The following STK38 variants were observed in gnomAD, a reference collection of about 807,000 sequenced individuals.
The protein encoded by STK38 is serine/threonine-protein kinase 38.
In STK38, 26 loss-of-function variants were observed where a neutral mutation model predicts 59.0. The observed-to-expected ratio is 0.44, with a 90% confidence interval of 0.32 to 0.61. The LOEUF (loss-of-function observed/expected upper bound fraction) is 0.61. Ranked by LOEUF, STK38 falls within the 20% of genes least tolerant of loss-of-function variation. The pLI, the probability that STK38 is intolerant of heterozygous loss-of-function variation, is 0.04. For missense variants in STK38, 433 were observed against 566.0 expected, an observed-to-expected ratio of 0.76 and a Z score of 2.38; for synonymous variants, 175 against 176.6, an observed-to-expected ratio of 0.99 and a Z score of 0.07.
chr6:36,512,051 TCCA>T (rs1203443030), intron 7 of STK38, among the ~76,000 whole-genome samples: 2 of 152,056 alleles, frequency 1.3e-5, no homozygotes, highest in East Asian at 3.9e-4. Flanking sequence ...AGAGTGAGAC[TCCA>T]CCTCAAAAAC....
intron 7 of STK38, among the ~76,000 whole-genome samples, chr6:36,509,965 T>G (rs1487219053): frequency 2.0e-5 from 3 of 152,166 alleles, no homozygotes; most frequent in Non-Finnish European, 4.4e-5. Context: ...AGAAAGTACG[T>G]GCTGATTGGT....
At chr6:36,508,001 A>G (rs1303101697) in intron 7 of STK38, among the ~76,000 whole-genome samples, 1 of 143,398 alleles carries the variant, frequency 7.0e-6, no homozygotes, top group Non-Finnish European at 1.5e-5. Flanking sequence ...TGGCGTGATC[A>G]TGGCTCACTG....
rs1057095209 is a variant in STK38, at chr6:36,517,748, G to T, written c.483C>A (p.Asn161Lys). The T allele has an allele frequency of 5.0e-6, 8 of 1,613,946 alleles. No individual in the cohort carries two copies. The highest frequency in any genetic ancestry group is 1.7e-5 in the Admixed American group (1 of 60,004). ...KMFYSFQDKL[N>K]LYLIMEFLPG... ...GCAGGAACTCCATGATTAGGTAGAG[G>T]TTTAGCTTATCCTGAAAACTATAGA... Residue 161 changes from asparagine to lysine, a missense_variant, in exon 6 of 14, where the codon AAC becomes AAA. By Grantham distance (94) the Asn-to-Lys change is moderately conservative (BLOSUM62 0). Around this residue, in one of 3 missense-constraint regions of STK38, gnomAD observed 293 missense variants for 388.2 expected, o/e 0.75. Transcript: ENST00000229812.
intron 4 of STK38, among the ~76,000 whole-genome samples, chr6:36,522,876 A>AGAAG (rs1554168331): frequency 1.0e-4 from 10 of 98,832 alleles, no homozygotes; most frequent in African/African-American, 2.3e-4. Context: ...AAAAAAAAAA[A>AGAAG]AAGAAGAAGA....
At chr6:36,529,939 A>G (rs779595429) in intron 2 of STK38, among the ~76,000 whole-genome samples, 3 of 152,120 alleles carry the variant, frequency 2.0e-5, no homozygotes, top group African/African-American at 4.8e-5. Flanking sequence ...CAGGAAAAAT[A>G]GTGTATTTAA....
chr6:36,526,823 G>A (rs531983248), intron 2 of STK38, among the ~76,000 whole-genome samples: 1 of 151,982 alleles, frequency 6.6e-6, no homozygotes, highest in Non-Finnish European at 1.5e-5. Context: ...GAACCCAGGA[G>A]GTGGAGGCTG....
intron 2 of STK38, among the ~76,000 whole-genome samples, chr6:36,532,218 G>C (rs890415529): frequency 1.1e-4 from 17 of 150,774 alleles, no homozygotes; most frequent in Non-Finnish European, 2.4e-4. Flanking sequence ...GCTAAGGATG[G>C]CTTGAGCCCA....
intron 9 of STK38, among the ~76,000 whole-genome samples, chr6:36,500,758 CAAAAAAA>C (rs753008721): frequency 6.8e-5 from 4 of 58,432 alleles, no homozygotes; most frequent in Non-Finnish European, 1.4e-4. Context: ...GACTCTGTCT[CAAAAAAA>C]AAAAAAAAAA....
chr6:36,537,912 AT>A (rs1777835755), intron 2 of STK38, among the ~76,000 whole-genome samples: 1 of 151,832 alleles, frequency 6.6e-6, no homozygotes, highest in South Asian at 2.1e-4. Context: ...AAAAAAAAAA[AT>A]ATGCTAAATG....
chr6:36,511,484 T>G (rs1265213660), intron 7 of STK38, among the ~76,000 whole-genome samples: 3 of 151,952 alleles, frequency 2.0e-5, no homozygotes, highest in African/African-American at 7.2e-5. Flanking sequence ...GCCACCTGAG[T>G]AGCTGGGATT....
chr6:36,495,701 T>C lies in STK38; in HGVS notation c.*83A>G. ...ATATTGGTGGGTTCCATCAACTTCTTGGAAGCTCTTCAAGAGTGTGAGAGG... is the reference window on the plus strand; with the variant it reads ...ATATTGGTGGGTTCCATCAACTTCTCGGAAGCTCTTCAAGAGTGTGAGAGG... On this transcript the variant is annotated 3_prime_UTR_variant, in exon 14 of 14. Transcript: ENST00000229812. 1 of 1,572,612 alleles carries C rather than the reference T, an allele frequency of 6.4e-7. No homozygotes were observed. The highest frequency in any genetic ancestry group is 8.7e-7 in the Non-Finnish European group (1 of 1,153,156).
chr6:36,502,398 C>G (rs1211026267), intron 9 of STK38, among the ~76,000 whole-genome samples: 1 of 152,140 alleles, frequency 6.6e-6, no homozygotes, highest in Non-Finnish European at 1.5e-5. Flanking sequence ...TTATGAATTC[C>G]TATTCAGATC....
intron 3 of STK38, 102 bp from the exon 4 acceptor site, chr6:36,524,565 A>T: frequency 8.3e-7 from 1 of 1,203,602 alleles, no homozygotes; most frequent in African/African-American, 1.5e-5. Context: ...AACAGGTCCA[A>T]GTGGACTAAG....
At chr6:36,524,624 C>T (rs923853536) in intron 3 of STK38, among the ~76,000 whole-genome samples, 161 bp from the exon 4 acceptor site, 6 of 152,152 alleles carry the variant, frequency 3.9e-5, no homozygotes, top group African/African-American at 1.4e-4. Flanking sequence ...CTTAAGAGGT[C>T]ACTTCTCCCT....
In STK38 at chr6:36,495,436, T is replaced by C. The variant is rs748792254; in HGVS notation, c.*348A>G. ...GGAACTGGCTGATATTCGATGACTA[T>C]ACACGACAATCTCAATAATGTTGGA... On this transcript the variant is annotated 3_prime_UTR_variant, in exon 14 of 14. Coordinates refer to ENST00000229812, the MANE Select transcript of STK38 (RefSeq NM_007271.4). 1.6e-5 allele frequency: 4 copies of C among 247,160 alleles called. No homozygotes were observed. The highest frequency in any genetic ancestry group is 3.2e-5 in the Non-Finnish European group (4 of 124,976). 15.3% of individuals were successfully genotyped at this position (247,160 alleles called of 1,614,324 possible).
intron 2 of STK38, among the ~76,000 whole-genome samples, chr6:36,528,195 C>T (rs541779388): frequency 3.9e-5 from 6 of 152,132 alleles, no homozygotes; most frequent in African/African-American, 1.4e-4. Context: ...AATGCCACAC[C>T]AAGAAGGTTG....
chr6:36,507,609 G>A lies in STK38; in HGVS notation c.670-7C>T, dbSNP rs757097625. 26 of 1,609,430 alleles carry A rather than the reference G, an allele frequency of 1.6e-5. No homozygotes were observed. Among genetic ancestry groups the A allele is most frequent in the Non-Finnish European group, 2.0e-5 (23 of 1,176,132 alleles). On this transcript the variant is annotated splice_polypyrimidine_tract_variant and splice_region_variant and intron_variant, in intron 7 of 13. Transcript: ENST00000229812. ...CAGAAAGTTTCACATGGCCCTATGG[G>A]GAAGAAACAAGGTGATAGATGGATG...
intron 2 of STK38, among the ~76,000 whole-genome samples, chr6:36,531,103 T>TA (rs1777656979): frequency 1.3e-5 from 2 of 152,232 alleles, no homozygotes; most frequent in Admixed American, 1.3e-4. Context: ...GGTCTGGACT[T>TA]ACTCATTCTT....
In STK38 at chr6:36,495,639, C is replaced by T; in HGVS notation, c.*145G>A. ...TTTCAGATGCATTATGGAAGAAAAT[C>T]CTCTTACTACCACATTTCAGGAGAC... On this transcript the variant is annotated 3_prime_UTR_variant, in exon 14 of 14. Coordinates refer to ENST00000229812, the MANE Select transcript of STK38 (RefSeq NM_007271.4). 9.5e-7 allele frequency: 1 copy of T among 1,049,662 alleles called. No individual in the cohort carries two copies. The highest frequency in any genetic ancestry group is 1.9e-5 in the South Asian group (1 of 52,534). The allele number at this position is 1,049,662 out of a possible 1,614,324, so 65.0% of individuals were successfully genotyped here.
Sources: gnomAD v4.1 joint callset for allele counts (sites outside exome capture counted in the v4.1 genomes callset) on GRCh38, gnomAD v4.1.1 for gene constraint, gnomAD v4.1.1 regional missense constraint, MANE v1.5 for transcripts, NCBI Gene and HGNC (gene_info 2026-07-23, HGNC 2026-07-21) for gene names.